PRDM16: variants seen among roughly 807,000 people sequenced by gnomAD.
The protein encoded by PRDM16 is PR/SET domain 16.
In PRDM16, 23 loss-of-function variants were observed where a neutral mutation model predicts 110.6. That is an observed-to-expected ratio of 0.21 (90% CI 0.15 to 0.29). PRDM16 has a LOEUF of 0.29. Ranked by LOEUF, PRDM16 falls within the 10% of genes least tolerant of loss-of-function variation. The pLI, the probability that PRDM16 is intolerant of heterozygous loss-of-function variation, is 1.00. For synonymous variants in PRDM16, 799 were observed against 781.8 expected (o/e 1.02, Z -0.37); for missense variants, 1,615 against 1,794.3 (o/e 0.90, Z 1.81).
At chr1:3,118,021 T>C (rs1643002297) in intron 1 of PRDM16, among the ~76,000 whole-genome samples, 1 of 152,054 alleles carries the variant, frequency 6.6e-6, no homozygotes, top group South Asian at 2.1e-4. Context: ...TGTGTGCATG[T>C]GTACATGCAT....
chr1:3,089,554 A>C (rs1457602689), intron 1 of PRDM16, among the ~76,000 whole-genome samples: 4 of 152,206 alleles, frequency 2.6e-5, no homozygotes, highest in Non-Finnish European at 5.9e-5. Flanking sequence ...CAGGCCAGAA[A>C]ACCAATATTG....
intron 3 of PRDM16, among the ~76,000 whole-genome samples, chr1:3,380,018 AATCCCT>A (rs1643074374): frequency 4.8e-5 from 5 of 103,324 alleles, no homozygotes; most frequent in Admixed American, 2.0e-4. Context: ...CTCCCAGTGC[AATCCCT>A]CACCATGCAC....
chr1:3,324,387 C>T (rs965466850), intron 3 of PRDM16, among the ~76,000 whole-genome samples: 12 of 152,196 alleles, frequency 7.9e-5, no homozygotes, highest in African/African-American at 2.7e-4. Flanking sequence ...ACTTCCTAAA[C>T]CCTATAGCCA....
chr1:3,337,207 CTGTG>C (rs1234857896), intron 3 of PRDM16, among the ~76,000 whole-genome samples: 1 of 151,518 alleles, frequency 6.6e-6, no homozygotes, highest in African/African-American at 2.4e-5. Context: ...GTGTGAGTCT[CTGTG>C]TGTGAATGCA....
chr1:3,325,150 A>G (rs898607827), intron 3 of PRDM16, among the ~76,000 whole-genome samples: 1 of 152,164 alleles, frequency 6.6e-6, no homozygotes, highest in African/African-American at 2.4e-5. Context: ...CCAAACCCCC[A>G]GGTCCTTCTG....
chr1:3,404,736 C>T lies in PRDM16; in HGVS notation c.885-3C>T. The stretch of plus-strand genomic sequence containing the variant: ...CCCGCAGTGAGCCTCGTCCTCTGCG[C>T]AGCCTGGAGCAGCACATGGTCATCC... On this transcript the variant is annotated splice_region_variant and splice_polypyrimidine_tract_variant and intron_variant, in intron 6 of 16. Coordinates refer to ENST00000270722, the MANE Select transcript of PRDM16 (RefSeq NM_022114.4). The T allele has an allele frequency of 6.2e-7, 1 of 1,613,162 alleles. No homozygotes were observed. Among genetic ancestry groups the T allele is most frequent in the South Asian group, 1.1e-5 (1 of 91,062 alleles).
chr1:3,187,845 G>T (rs915247182), intron 2 of PRDM16, among the ~76,000 whole-genome samples: 1 of 152,194 alleles, frequency 6.6e-6, no homozygotes, highest in African/African-American at 2.4e-5. Flanking sequence ...GAGCTGTGGG[G>T]GTCCCGGTGC....
At chr1:3,298,715 C>T (rs139747713) in intron 3 of PRDM16, among the ~76,000 whole-genome samples, 75 of 152,224 alleles carry the variant, frequency 4.9e-4, no homozygotes, top group African/African-American at 1.6e-3. Context: ...CCCTTGGTTC[C>T]TGGGGGTTGG....
intron 1 of PRDM16, among the ~76,000 whole-genome samples, chr1:3,183,196 A>G (rs944345225): frequency 2.6e-5 from 4 of 152,248 alleles, no homozygotes; most frequent in African/African-American, 9.6e-5. Context: ...GCCAGTGAAA[A>G]GATGCCCACG....
chr1:3,254,337 G>A (rs1259951886), intron 3 of PRDM16, among the ~76,000 whole-genome samples: 1 of 152,128 alleles, frequency 6.6e-6, no homozygotes, highest in Non-Finnish European at 1.5e-5. Flanking sequence ...AGGAAATAAA[G>A]GGTATTCAAT....
At chr1:3,136,471 T>C (rs961248501) in intron 1 of PRDM16, among the ~76,000 whole-genome samples, 1 of 152,168 alleles carries the variant, frequency 6.6e-6, no homozygotes, top group African/African-American at 2.4e-5. Context: ...CGTGTCACAG[T>C]GTCACTGTTT....
intron 3 of PRDM16, among the ~76,000 whole-genome samples, chr1:3,276,193 TA>T (rs1640578467): frequency 6.6e-6 from 1 of 152,256 alleles, no homozygotes; most frequent in South Asian, 2.1e-4. Context: ...TATGTCTGAC[TA>T]AAATGTCCTT....
At chr1:3,232,046 C>G (rs899079244) in intron 2 of PRDM16, among the ~76,000 whole-genome samples, 10 of 152,374 alleles carry the variant, frequency 6.6e-5, no homozygotes, top group African/African-American at 1.9e-4. Context: ...CCTCCCGCTG[C>G]CTTCACGCAC....
chr1:3,349,902 C>T (rs1007860106), intron 3 of PRDM16, among the ~76,000 whole-genome samples: 9 of 152,222 alleles, frequency 5.9e-5, no homozygotes, highest in African/African-American at 2.2e-4. Flanking sequence ...CAGGCGCCCT[C>T]TGCCGTGAAT....
intron 3 of PRDM16, among the ~76,000 whole-genome samples, chr1:3,343,974 G>A (rs1642318100): frequency 6.6e-6 from 1 of 152,128 alleles, no homozygotes; most frequent in South Asian, 2.1e-4. Flanking sequence ...TATTTAGATT[G>A]GATAATTTTA....
At chr1:3,112,122 T>TC (rs914516682) in intron 1 of PRDM16, among the ~76,000 whole-genome samples, 2 of 151,812 alleles carry the variant, frequency 1.3e-5, no homozygotes, top group East Asian at 1.9e-4. Context: ...GAAGTTCCTT[T>TC]CCCCCCCTTA....
chr1:3,157,637 A>G lies in PRDM16; in HGVS notation c.38-28488A>G, dbSNP rs1437940302. Among the ~76,000 whole-genome samples, 1 of 152,162 alleles carries G rather than the reference A, an allele frequency of 6.6e-6. No individual in the cohort carries two copies. Among genetic ancestry groups the G allele is most frequent in the East Asian group, 1.9e-4 (1 of 5,174 alleles). ...CCTGTCGGCTCTGTTCATGGACAGT[A>G]TGGTGGGGCCTGAACAGACTTCCCC... On this transcript the variant is annotated intron_variant, in intron 1 of 16. Transcript: ENST00000270722. The surrounding 1 kb of genome is among the most constrained non-coding windows in gnomAD (Gnocchi z 4.8).
At chr1:3,225,573 T>TGTGTGTGTGCGCGCGC (rs1336272072) in intron 2 of PRDM16, among the ~76,000 whole-genome samples, 41 of 129,800 alleles carry the variant, frequency 3.2e-4, no homozygotes, top group African/African-American at 1.0e-3. Context: ...TGTGTGTGTG[T>TGTGTGTGTGCGCGCGC]GCGCGCGCGC....
intron 3 of PRDM16, among the ~76,000 whole-genome samples, chr1:3,355,934 C>T (rs1642587711): frequency 6.6e-6 from 1 of 152,056 alleles, no homozygotes; most frequent in South Asian, 2.1e-4. Context: ...GCCGTAAGAT[C>T]TGAGGTGAAT....
Sources: gnomAD v4.1 joint callset for allele counts (sites outside exome capture counted in the v4.1 genomes callset) on GRCh38, gnomAD v4.1.1 for gene constraint, Gnocchi (gnomAD v3.1) non-coding constraint, MANE v1.5 for transcripts, NCBI Gene and HGNC (gene_info 2026-07-23, HGNC 2026-07-21) for gene names.